Variants in SHROOM2 observed in about 807,000 individuals in gnomAD.
SHROOM2 encodes protein Shroom2.
SHROOM2 carries 33 observed loss-of-function variants against 75.9 expected under a neutral mutation model. The ratio of observed to expected loss-of-function variants is 0.43; its 90% confidence interval spans 0.33 to 0.58. The LOEUF (loss-of-function observed/expected upper bound fraction) is 0.58. Ranked by LOEUF, SHROOM2 falls within the 20% of genes least tolerant of loss-of-function variation. The pLI is 0.04. For missense variants in SHROOM2, 1,434 were observed against 1,461.2 expected, an observed-to-expected ratio of 0.98 and a Z score of 0.30; for synonymous variants, 655 against 663.6, an observed-to-expected ratio of 0.99 and a Z score of 0.20.
intron 5 of SHROOM2, among the ~76,000 whole-genome samples, chrX:9,927,262 G>A (rs2084602993): frequency 9.5e-6 from 1 of 105,237 alleles, no homozygotes; most frequent in Non-Finnish European, 1.9e-5. Flanking sequence ...AGGCAGGAGG[G>A]TCACTTGAGC....
At chrX:9,935,791 C>T (rs1602019515) in intron 6 of SHROOM2, among the ~76,000 whole-genome samples, 2 of 111,723 alleles carry the variant, frequency 1.8e-5, no homozygotes, top group East Asian at 5.6e-4. Flanking sequence ...ATTTGTGTAA[C>T]ATCGTAGGGG....
chrX:9,847,810 C>T (rs1391060483), intron 1 of SHROOM2, among the ~76,000 whole-genome samples: 1 of 112,265 alleles, frequency 8.9e-6, no homozygotes, highest in African/African-American at 3.2e-5. Context: ...GTCTCTTGGA[C>T]ACTTACAGTG....
chrX:9,885,950 C>CAA (rs35651225), intron 2 of SHROOM2, among the ~76,000 whole-genome samples: 6 of 48,135 alleles, frequency 1.2e-4, no homozygotes, highest in Non-Finnish European at 1.8e-4. Flanking sequence ...GAGAGCCTGT[C>CAA]AAAAAAAAAA....
chrX:9,862,884 G>A (rs1276092431), intron 1 of SHROOM2, among the ~76,000 whole-genome samples: 1 of 112,184 alleles, frequency 8.9e-6, no homozygotes, highest in African/African-American at 3.2e-5. Context: ...GACACACGAT[G>A]GTGTTCCAGA....
chrX:9,941,150 G>A (rs1160418919), intron 8 of SHROOM2, among the ~76,000 whole-genome samples: 1 of 110,999 alleles, frequency 9.0e-6, no homozygotes, highest in East Asian at 3.4e-4. Flanking sequence ...CTGGAACCAG[G>A]AGGTGAGTGC....
intron 1 of SHROOM2, chrX:9,819,547 G>T (rs1266228925): frequency 2.1e-5 from 4 of 193,321 alleles, no homozygotes; most frequent in Admixed American, 1.7e-4. Flanking sequence ...GTCTGGAGAA[G>T]AAGGGATGAC....
At chrX:9,840,116 A>C (rs770925233) in intron 1 of SHROOM2, among the ~76,000 whole-genome samples, 1 of 111,999 alleles carries the variant, frequency 8.9e-6, no homozygotes, top group South Asian at 3.7e-4. Context: ...TTGATATTTT[A>C]ATATGTTTTA....
chrX:9,897,169 G>A (rs113124848), intron 4 of SHROOM2, among the ~76,000 whole-genome samples: 1,234 of 111,950 alleles, frequency 0.011, 16 homozygotes, highest in African/African-American at 0.038. Flanking sequence ...TTATTTGCAA[G>A]TATTTTCAAG....
rs776196176 is a variant in SHROOM2, at chrX:9,880,597, C to T, written c.317+6794C>T. Among the ~76,000 whole-genome samples, 3 of 112,581 alleles carry T rather than the reference C, an allele frequency of 2.7e-5. No individual in the cohort carries two copies. The East Asian group carries it at 8.4e-4, about 32-fold the overall frequency. On this transcript the variant is annotated intron_variant, in intron 2 of 9. Coordinates refer to ENST00000380913, the MANE Select transcript of SHROOM2 (RefSeq NM_001649.4). ...CTTCTTAGAACTGTCACCTCAAGCC[C>T]GGTTACCACTAACACCCATTGGTTC...
chrX:9,787,153 C>T (rs1423630685), intron 1 of SHROOM2, among the ~76,000 whole-genome samples: 1 of 112,123 alleles, frequency 8.9e-6, no homozygotes, highest in Non-Finnish European at 1.9e-5. Flanking sequence ...TAGCAGCTGT[C>T]GCCAGCGCAA....
chrX:9,855,549 A>G (rs763032447), intron 1 of SHROOM2, among the ~76,000 whole-genome samples: 92 of 80,810 alleles, frequency 1.1e-3, no homozygotes, highest in Non-Finnish European at 1.7e-3. Flanking sequence ...TAATCCAGAT[A>G]GATAGATAGA....
intron 2 of SHROOM2, among the ~76,000 whole-genome samples, chrX:9,879,224 C>T (rs771072718): frequency 4.1e-4 from 46 of 111,263 alleles, no homozygotes; most frequent in African/African-American, 1.5e-3. Context: ...AGGTGCATGC[C>T]ACCATGCCCA....
Position 9,863,608 on chromosome X carries a change from T to TC in SHROOM2, c.166-10044_166-10043insC, listed in dbSNP as rs1345557903. Among the ~76,000 whole-genome samples, 5 of 106,782 alleles carry TC rather than the reference T, an allele frequency of 4.7e-5. No individual in the cohort carries two copies. The East Asian group carries it at 1.5e-3, about 32-fold the overall frequency. 92.7% of individuals were successfully genotyped at this position (106,782 alleles called of 115,157 possible). On this transcript the variant is annotated intron_variant, in intron 1 of 9. Transcript: ENST00000380913. The stretch of plus-strand genomic sequence containing the variant: ...ATTTTGTTAGTGTTATTTATTATTT[T>TC]TTTTTGGGGGGGGTGTATATTTCTT...
At chrX:9,901,228 G>T (rs2084364207) in intron 5 of SHROOM2, among the ~76,000 whole-genome samples, 1 of 111,237 alleles carries the variant, frequency 9.0e-6, no homozygotes, top group South Asian at 3.8e-4. Context: ...CTCCCCAATG[G>T]CCCTAATTAC....
At chrX:9,936,422 TA>T (rs1012480311) in intron 6 of SHROOM2, among the ~76,000 whole-genome samples, 23 of 110,110 alleles carry the variant, frequency 2.1e-4, no homozygotes, top group African/African-American at 7.6e-4. Flanking sequence ...GACACTTTTT[TA>T]AAAAAAAAGC....
At position 9,948,124 on chromosome X, in the gene SHROOM2, T is replaced by C. The variant is rs1031501419; in HGVS notation, c.*1187T>C. On this transcript the variant is annotated 3_prime_UTR_variant, in exon 10 of 10. Transcript: ENST00000380913. ...TGACAAAAGGTTTGTGTCCAGGATG[T>C]ACAAAGAACTCTCAAACCGGATAGT... is the stretch of plus-strand genomic sequence containing the variant. 3 of 111,944 alleles carry C rather than the reference T, an allele frequency of 2.7e-5. No individual in the cohort carries two copies. Among genetic ancestry groups the C allele is most frequent in the African/African-American group, 9.7e-5 (3 of 30,826 alleles). 9.2% of individuals were successfully genotyped at this position (111,944 alleles called of 1,213,427 possible). A position where few individuals can be genotyped will look rare whatever the true frequency, so the allele number is the denominator to read the frequency against.
intron 2 of SHROOM2, among the ~76,000 whole-genome samples, chrX:9,884,957 C>T (rs769687898): frequency 8.9e-6 from 1 of 111,798 alleles, no homozygotes; most frequent in East Asian, 2.8e-4. Flanking sequence ...TGCCTGTAAT[C>T]CCAGCACTTT....
intron 1 of SHROOM2, among the ~76,000 whole-genome samples, chrX:9,808,681 G>C (rs1240794687): frequency 9.0e-6 from 1 of 110,571 alleles, no homozygotes; most frequent in Non-Finnish European, 1.9e-5. Flanking sequence ...GGCCAACGTG[G>C]TGAAACCCTG....
intron 1 of SHROOM2, among the ~76,000 whole-genome samples, chrX:9,855,080 A>T (rs1197773222): frequency 9.2e-6 from 1 of 108,149 alleles, no homozygotes; most frequent in East Asian, 2.9e-4. Context: ...TTTAAAAAAA[A>T]AAAAAAAGGC....
Sources: gnomAD v4.1 joint callset for allele counts (sites outside exome capture counted in the v4.1 genomes callset) on GRCh38, gnomAD v4.1.1 for gene constraint, MANE v1.5 for transcripts, NCBI Gene and HGNC (gene_info 2026-07-23, HGNC 2026-07-21) for gene names.